The following ABCA1 variants were observed in gnomAD, a reference collection of about 807,000 sequenced individuals.
ABCA1 encodes phospholipid-transporting ATPase ABCA1.
ABCA1 carries 133 observed loss-of-function variants against 262.5 expected under a neutral mutation model. The observed-to-expected ratio is 0.51, with a 90% confidence interval of 0.44 to 0.59. The LOEUF is 0.59. ABCA1 is among the 20% of genes least tolerant of loss of function. The pLI, the probability that ABCA1 is intolerant of heterozygous loss-of-function variation, is 0.00. For synonymous variants in ABCA1, 1,022 were observed against 1,043.5 expected (o/e 0.98, Z 0.40); for missense variants, 2,452 against 2,777.5 (o/e 0.88, Z 2.63).
At chr9:104,811,365 G>A (rs1271932928) in intron 28 of ABCA1, among the ~76,000 whole-genome samples, 1 of 152,146 alleles carries the variant, frequency 6.6e-6, no homozygotes, top group Non-Finnish European at 1.5e-5. Flanking sequence ...GCTCCCCACT[G>A]GCCTCAGTTT....
At chr9:104,896,736 T>A (rs1477657187) in intron 2 of ABCA1, among the ~76,000 whole-genome samples, 2 of 95,022 alleles carry the variant, frequency 2.1e-5, no homozygotes, top group African/African-American at 1.0e-4. Context: ...TTTTTTTTTT[T>A]TTTTTTTTTT....
intron 6 of ABCA1, among the ~76,000 whole-genome samples, chr9:104,860,092 C>A (rs1652379983): frequency 6.6e-6 from 1 of 150,864 alleles, no homozygotes; most frequent in South Asian, 2.1e-4. Context: ...CAACGGAGGG[C>A]CTTTGTTGAT....
At chr9:104,875,163 GA>G (rs566556189) in intron 5 of ABCA1, among the ~76,000 whole-genome samples, 237 of 151,592 alleles carry the variant, frequency 1.6e-3, no homozygotes, top group African/African-American at 5.5e-3. Flanking sequence ...CTTCTGCCTT[GA>G]AAAAAAATAA....
At chr9:104,802,482 C>A (rs1057179263) in intron 33 of ABCA1, among the ~76,000 whole-genome samples, 2 of 152,130 alleles carry the variant, frequency 1.3e-5, no homozygotes, top group Non-Finnish European at 2.9e-5. Context: ...GGTCTGGAGG[C>A]AAGCAGATGG....
intron 32 of ABCA1, among the ~76,000 whole-genome samples, chr9:104,804,184 C>T (rs976524579): frequency 5.3e-5 from 8 of 152,196 alleles, no homozygotes; most frequent in Admixed American, 5.2e-4. Flanking sequence ...GCTCCTAAAC[C>T]TTCCCAGAGC....
chr9:104,861,752 A>G lies in ABCA1; in HGVS notation c.470T>C (p.Phe157Ser). Reference protein sequence around the residue: ...FLVDNETFSGFLYHNLSLPKS... With the variant: ...FLVDNETFSGSLYHNLSLPKS... ...TGGGAGAGAGAGGTTGTGATACAGG[A>G]ACCCAGAGAAGGTTTCATTGTCCAC... The change falls in exon 6 of 50, where the codon TTC (phenylalanine) becomes TCC (serine). Residue 157 changes from phenylalanine (F) to serine (S), a missense_variant. Transcript: ENST00000374736. 1 of 1,613,732 alleles carries G rather than the reference A, an allele frequency of 6.2e-7. No individual in the cohort carries two copies. The highest frequency in any genetic ancestry group is 8.5e-7 in the Non-Finnish European group (1 of 1,179,736).
intron 7 of ABCA1, among the ~76,000 whole-genome samples, chr9:104,848,139 T>C (rs527800980): frequency 6.6e-6 from 1 of 152,380 alleles, no homozygotes; most frequent in Admixed American, 6.5e-5. Flanking sequence ...ATAGCTTCCC[T>C]TGTAATTAAA....
At chr9:104,855,667 T>C in intron 7 of ABCA1, 1 of 1,478,348 alleles carries the variant, frequency 6.8e-7, no homozygotes, top group Non-Finnish European at 9.0e-7. Context: ...TCAAATATAT[T>C]ATGTGTATGT....
At chr9:104,895,967 C>T (rs2740492) in intron 2 of ABCA1, among the ~76,000 whole-genome samples, 42,971 of 152,012 alleles carry the variant, frequency 0.28, 6,667 homozygotes, top group African/African-American at 0.41. Context: ...TAATGCACTC[C>T]GCGCTGAAAA....
intron 30 of ABCA1, among the ~76,000 whole-genome samples, chr9:104,809,059 A>C (rs1331085981): frequency 4.6e-5 from 7 of 152,264 alleles, no homozygotes; most frequent in Non-Finnish European, 1.0e-4. Context: ...TTCATATGCC[A>C]TCTTTTCAGA....
At chr9:104,894,121 T>C (rs1475145518) in intron 2 of ABCA1, among the ~76,000 whole-genome samples, 3 of 147,762 alleles carry the variant, frequency 2.0e-5, no homozygotes, top group Non-Finnish European at 4.5e-5. Context: ...TTTGTACCCA[T>C]CATGCTGCCA....
Position 104,832,690 on chromosome 9 carries a change from C to T in ABCA1, c.1393G>A (p.Ala465Thr). 1 of 1,614,174 alleles carries T rather than the reference C, an allele frequency of 6.2e-7. No homozygotes were observed. ...GLDWTAQDIV[A>T]FLAKHPEDVQ... ...TCCTCTGGGTGCTTGGCCAAAAACG[C>T]CACGATGTCTTGGGCTGTCCAATCT... The change falls in exon 12 of 50, where the codon GCG becomes ACG. Residue 465 changes from alanine to threonine, a missense_variant. By Grantham distance (58) the Ala-to-Thr change is moderately conservative (BLOSUM62 0). Coordinates refer to ENST00000374736, the MANE Select transcript of ABCA1 (RefSeq NM_005502.4).
At chr9:104,891,720 C>T (rs902899147) in intron 2 of ABCA1, among the ~76,000 whole-genome samples, 2 of 151,294 alleles carry the variant, frequency 1.3e-5, no homozygotes, top group African/African-American at 4.9e-5. Context: ...AATCCCAGAA[C>T]TTTGCGAGGC....
At chr9:104,880,559 A>T (rs966060795) in intron 5 of ABCA1, among the ~76,000 whole-genome samples, 1 of 152,086 alleles carries the variant, frequency 6.6e-6, no homozygotes, top group African/African-American at 2.4e-5. Flanking sequence ...ATAAGTAAAT[A>T]AAAACAAAAT....
rs1296247433 is a variant in ABCA1 at position 104,849,173 on chromosome 9, G to GC, written c.721-3605dup. ...CAAGCTTATTCTCCTTCTCTTAAAA[G>GC]CCCCACACTTCAGCAAAACTCCAGG... On this transcript the variant is annotated intron_variant, in intron 7 of 49. Transcript: ENST00000374736. Among the ~76,000 whole-genome samples the GC allele has an allele frequency of 2.0e-5, 3 of 152,134 alleles. 1 individual carries two copies.
At chr9:104,839,771 GC>G (rs1275445430) in intron 9 of ABCA1, among the ~76,000 whole-genome samples, 17 of 152,196 alleles carry the variant, frequency 1.1e-4, no homozygotes, top group African/African-American at 3.1e-4. Context: ...CCTCATAGTT[GC>G]CTTTTTTGTG....
chr9:104,884,691 A>C, intron 3 of ABCA1, 123 bp from the exon 4 acceptor site: 1 of 1,170,958 alleles, frequency 8.5e-7, no homozygotes, highest in African/African-American at 1.5e-5. Context: ...CATCCCAGAG[A>C]CCTGTCTCTT....
In ABCA1 at chr9:104,806,171, T is replaced by C. The variant is rs903739673; in HGVS notation, c.4464+70A>G. On this transcript the variant is annotated intron_variant, in intron 31 of 49. Coordinates refer to ENST00000374736, the MANE Select transcript of ABCA1 (RefSeq NM_005502.4). ...CCCAACATGATATCTCACTCATTCC[T>C]GCTTCCAAGCGGAAGCTACCAGCCC... 9 of 1,476,972 alleles carry C rather than the reference T, an allele frequency of 6.1e-6. No homozygotes were observed. In the African/African-American group the frequency reaches 1.1e-4, roughly 18 times the overall value. 91.5% of individuals were successfully genotyped at this position (1,476,972 alleles called of 1,614,324 possible).
chr9:104,805,149 C>T (rs1043593220), intron 31 of ABCA1, among the ~76,000 whole-genome samples: 1 of 152,010 alleles, frequency 6.6e-6, no homozygotes, highest in Admixed American at 6.5e-5. Context: ...ATTTTGGCTC[C>T]CTGCGACCTC....
Sources: allele counts gnomAD v4.1 joint callset (sites outside exome capture counted in the v4.1 genomes callset), GRCh38; gene constraint gnomAD v4.1.1; transcripts MANE v1.5; gene names NCBI Gene and HGNC (gene_info 2026-07-23, HGNC 2026-07-21).